Variants in ATP8B1 observed in about 807,000 individuals in gnomAD.
ATP8B1 encodes ATPase phospholipid transporting 8B1, also known as phospholipid-transporting ATPase IC.
ATP8B1 carries 80 observed loss-of-function variants against 149.9 expected under a neutral mutation model. The observed-to-expected ratio is 0.53, with a 90% CI of 0.45 to 0.64. The LOEUF (loss-of-function observed/expected upper bound fraction) is 0.64, where lower values mean the gene tolerates loss of function less well. Among genes scored for constraint, ATP8B1 ranks in the 30% least tolerant of loss-of-function variants. ATP8B1 has a pLI of 0.00. For missense variants in ATP8B1, 1,247 were observed against 1,552.6 expected, an observed-to-expected ratio of 0.80 and a Z score of 3.31; for synonymous variants, 536 against 562.8, an observed-to-expected ratio of 0.95 and a Z score of 0.67.
intron 1 of ATP8B1, among the ~76,000 whole-genome samples, chr18:57,787,035 G>A (rs2080416908): frequency 6.6e-6 from 1 of 152,106 alleles, no homozygotes; most frequent in East Asian, 1.9e-4. Context: ...CAGACAGGAT[G>A]TTATGTTAGA....
chr18:57,711,763 A>T (rs1913699168), intron 2 of ATP8B1, among the ~76,000 whole-genome samples: 1 of 151,912 alleles, frequency 6.6e-6, no homozygotes, highest in Non-Finnish European at 1.5e-5. Context: ...TAATTTTTAA[A>T]TTTTTTTGTA....
chr18:57,732,233 GTGTATATATA>G (rs1267396284), intron 1 of ATP8B1, among the ~76,000 whole-genome samples: 300 of 11,276 alleles, frequency 0.027, 23 homozygotes, highest in African/African-American at 0.055. Context: ...ATGTATATAT[GTGTATATATA>G]TGTATATATG....
At position 57,652,724 on chromosome 18, in the gene ATP8B1, C is replaced by T. The variant is rs775186199; in HGVS notation, c.3021G>A (p.Val1007=). 2 of 1,614,056 alleles carry T rather than the reference C, an allele frequency of 1.2e-6. No individual in the cohort carries two copies. Among genetic ancestry groups the T allele is most frequent in the East Asian group, 2.2e-5 (1 of 44,904 alleles). Residue 1007 remains valine (V), a synonymous_variant, in exon 25 of 28, where the codon GTG becomes GTA. Coordinates refer to ENST00000648908, the MANE Select transcript of ATP8B1 (RefSeq NM_001374385.1). ...VLLMGLLDQD[V]SDKLSLRFPG... ...GGAATCGGAGGCTCAGTTTGTCACT[C>T]ACATCCTTAAGGAGAAAACAAAATG...
chr18:57,798,941 G>A (rs2080546227), intron 1 of ATP8B1, among the ~76,000 whole-genome samples: 1 of 152,334 alleles, frequency 6.6e-6, no homozygotes, highest in Admixed American at 6.5e-5. Context: ...CTTGTAGAAT[G>A]ATTCCTGTTT....
At chr18:57,687,240 C>T (rs1365986474) in intron 13 of ATP8B1, among the ~76,000 whole-genome samples, 1 of 152,152 alleles carries the variant, frequency 6.6e-6, no homozygotes, top group Non-Finnish European at 1.5e-5. Flanking sequence ...ACAGTAACTC[C>T]CAATTCCCCT....
In ATP8B1 at chr18:57,728,721, A is replaced by T. The variant is rs1475390052; in HGVS notation, c.181+2906T>A. Among the ~76,000 whole-genome samples the T allele has an allele frequency of 4.5e-4, 62 of 138,332 alleles. 1 individual carries two copies. The highest frequency in any genetic ancestry group is 7.4e-4 in the Non-Finnish European group (48 of 64,608). The allele number at this position is 138,332 out of a possible 152,430, so 90.8% of individuals were successfully genotyped here. On this transcript the variant is annotated intron_variant, in intron 2 of 27. Transcript: ENST00000648908. ...ACATGACTAAGATTCAAGACTGAGC[A>T]TTTTTTTTTTTTTTTTGAGATGGAG...
Position 57,695,292 on chromosome 18 carries a change from A to G in ATP8B1, c.819T>C (p.Asp273=). ...TCCAAAATAGTGTTCCTGTAAACTT[A>G]TCTAGTCTGTTATTGGGTTCTTCAC... ...IECEEPNNRL[D]KFTGTLFWRN... The change falls in exon 10 of 28, where the codon GAT becomes GAC. Residue 273 remains aspartate (D), a synonymous_variant. Transcript: ENST00000648908. 6.2e-7 allele frequency: 1 copy of G among 1,610,414 alleles called. No individual in the cohort carries two copies. The highest frequency in any genetic ancestry group is 8.5e-7 in the Non-Finnish European group (1 of 1,176,578).
At chr18:57,713,157 CTCTTTCTTTCTTTCTTTCTT>C (rs760611716) in intron 2 of ATP8B1, among the ~76,000 whole-genome samples, 45 of 92,072 alleles carry the variant, frequency 4.9e-4, no homozygotes, top group East Asian at 2.3e-3. Flanking sequence ...CTTGATCTTT[CTCTTTCTTTCTTTCTTTCTT>C]TCTTTCTTTC....
chr18:57,741,389 C>A (rs1275338425), intron 1 of ATP8B1, among the ~76,000 whole-genome samples: 1 of 152,186 alleles, frequency 6.6e-6, no homozygotes, highest in Non-Finnish European at 1.5e-5. Context: ...GCTCACATGG[C>A]AAGATGTGAA....
At chr18:57,649,777 T>C (rs1599063351) in intron 27 of ATP8B1, among the ~76,000 whole-genome samples, 1 of 151,728 alleles carries the variant, frequency 6.6e-6, no homozygotes, top group African/African-American at 2.4e-5. Flanking sequence ...GGCTCTTATC[T>C]CCCCCCGACA....
chr18:57,733,726 AAAAT>A (rs1462121396), intron 1 of ATP8B1, among the ~76,000 whole-genome samples: 1,652 of 128,522 alleles, frequency 0.013, 25 homozygotes, highest in African/African-American at 0.046. Flanking sequence ...AAAAAAAAAA[AAAAT>A]GTAAGGCAAA....
At chr18:57,793,363 C>T (rs1338542790) in intron 1 of ATP8B1, among the ~76,000 whole-genome samples, 6 of 152,078 alleles carry the variant, frequency 3.9e-5, no homozygotes, top group Non-Finnish European at 4.4e-5. Context: ...AGCTACCATC[C>T]TGGCGGACAC....
At chr18:57,710,674 G>T (rs977304438) in intron 2 of ATP8B1, among the ~76,000 whole-genome samples, 4 of 152,136 alleles carry the variant, frequency 2.6e-5, no homozygotes, top group African/African-American at 9.7e-5. Context: ...TGCTGTTCTC[G>T]CTGAGGCTGG....
At chr18:57,688,151 G>A in intron 13 of ATP8B1, 148 bp downstream of exon 13, 1 of 888,684 alleles carries the variant, frequency 1.1e-6, no homozygotes, top group Non-Finnish European at 1.8e-6. Flanking sequence ...GTGCTCCTCT[G>A]GTGCTTAGCT....
At position 57,661,647 on chromosome 18, in the gene ATP8B1, G is replaced by A. The variant is rs114530140; in HGVS notation, c.2419-185C>T. On this transcript the variant is annotated intron_variant, in intron 21 of 27. Transcript: ENST00000648908. ...TGTGCGTGTGTATGTATATACACAC[G>A]CACACATATATGTATGTGTGTATGT... Among the ~76,000 whole-genome samples, 2,459 of 122,598 alleles carry A rather than the reference G, an allele frequency of 0.02. 68 individuals are homozygous for A. The highest frequency in any genetic ancestry group is 0.072 in the African/African-American group (2,280 of 31,874). 80.4% of individuals were successfully genotyped at this position (122,598 alleles called of 152,430 possible).
At chr18:57,778,401 ATTTTT>A (rs148317260) in intron 1 of ATP8B1, among the ~76,000 whole-genome samples, 2 of 143,836 alleles carry the variant, frequency 1.4e-5, no homozygotes, top group South Asian at 4.5e-4. Context: ...AATTTTTTGT[ATTTTT>A]TTTTTAATAG....
At chr18:57,697,402 C>T (rs1912870759) in intron 8 of ATP8B1, among the ~76,000 whole-genome samples, 1 of 152,120 alleles carries the variant, frequency 6.6e-6, no homozygotes, top group South Asian at 2.1e-4. Context: ...CACATATGCT[C>T]CTGTCTGATC....
chr18:57,672,469 T>C lies in ATP8B1; in HGVS notation c.1820-889A>G, dbSNP rs541578028. Among the ~76,000 whole-genome samples, 19 of 152,388 alleles carry C rather than the reference T, an allele frequency of 1.2e-4. No homozygotes were observed. The South Asian group carries it at 3.9e-3, about 32-fold the overall frequency. The stretch of plus-strand genomic sequence containing the variant: ...GGAGGGTGTAATAGTTAAACCTGTA[T>C]ATTTTTATTGGTTAAAAATTCAATC... On this transcript the variant is annotated intron_variant, in intron 16 of 27. Transcript: ENST00000648908.
chr18:57,697,516 A>C, intron 8 of ATP8B1, 102 bp downstream of exon 8: 2 of 1,243,712 alleles, frequency 1.6e-6, no homozygotes, highest in Non-Finnish European at 2.4e-6. Context: ...GGCAGAGGCA[A>C]GGCCAGATAT....
Sources: allele counts gnomAD v4.1 joint callset (sites outside exome capture counted in the v4.1 genomes callset), GRCh38; gene constraint gnomAD v4.1.1; transcripts MANE v1.5; gene names NCBI Gene and HGNC (gene_info 2026-07-23, HGNC 2026-07-21).